The following BTBD8 variants were observed in gnomAD, a reference collection of about 807,000 sequenced individuals.
BTBD8 encodes BTB/POZ domain-containing protein 8.
Under a neutral mutation model 162.9 loss-of-function variants are expected in BTBD8, and 110 were observed. The ratio of observed to expected loss-of-function variants is 0.68; its 90% CI spans 0.58 to 0.79. The LOEUF is 0.79. BTBD8 is among the 30% of genes least tolerant of loss of function. The probability of loss-of-function intolerance (pLI) is 0.00; values close to 1 mark genes in which losing one functional copy is unlikely to be tolerated. For synonymous variants in BTBD8, 667 were observed against 716.1 expected (o/e 0.93, Z 1.10); for missense variants, 1,905 against 2,085.4 (o/e 0.91, Z 1.68).
intron 1 of BTBD8, 88 bp from the exon 2 acceptor site, chr1:92,088,610 A>G (rs1648217250): frequency 2.0e-6 from 2 of 1,013,204 alleles, no homozygotes; most frequent in Non-Finnish European, 2.7e-6. Context: ...TTTTTAGCTT[A>G]TGTGTTATTT....
rs1049660548 is a variant in BTBD8 at position 92,133,914 on chromosome 1, G to A, written c.752+4138G>A. On this transcript the variant is annotated intron_variant, in intron 5 of 17. Coordinates refer to ENST00000636805, the MANE Select transcript of BTBD8 (RefSeq NM_001376131.1). ...GAACCCAGGAGGCGGAGCTTGCAGC[G>A]AGCCGAGATCGTGCCACTGCACTCC... is the stretch of plus-strand genomic sequence containing the variant. Among the ~76,000 whole-genome samples the A allele has an allele frequency of 3.3e-5, 5 of 151,680 alleles. No individual in the cohort carries two copies. The East Asian group carries it at 5.9e-4, about 18-fold the overall frequency.
chr1:92,132,164 C>G (rs1649532482), intron 5 of BTBD8, among the ~76,000 whole-genome samples: 1 of 152,180 alleles, frequency 6.6e-6, no homozygotes, highest in Non-Finnish European at 1.5e-5. Flanking sequence ...CCTAAAGTTC[C>G]TAGTAGGCAC....
At position 92,180,693 on chromosome 1, in the gene BTBD8, C is replaced by T; in HGVS notation, c.3010C>T (p.Leu1004Phe). ...ATCTGAAATAAGTGATGCAGAAGCA[C>T]TCCAGTCATCCTGCAGGCCTGACCC... The part of the protein sequence containing the change: ...LASEISDAEA[L>F]QSSCRPDPQK... Residue 1004 changes from leucine to phenylalanine, a missense_variant, in exon 17 of 18, where the codon CTC becomes TTC. Leu to Phe is a conservative substitution (Grantham distance 22). Transcript: ENST00000636805. The T allele has an allele frequency of 6.4e-7, 1 of 1,551,586 alleles. No individual in the cohort carries two copies. Among genetic ancestry groups the T allele is most frequent in the Admixed American group, 2.0e-5 (1 of 50,978 alleles).
chr1:92,156,448 A>G (rs1650159975), intron 9 of BTBD8, among the ~76,000 whole-genome samples: 1 of 152,026 alleles, frequency 6.6e-6, no homozygotes, highest in African/African-American at 2.4e-5. Flanking sequence ...AATGAGGGAA[A>G]TATTCCCTCC....
At chr1:92,182,966 T>A (rs1284583355) in intron 17 of BTBD8, among the ~76,000 whole-genome samples, 1 of 152,078 alleles carries the variant, frequency 6.6e-6, no homozygotes. Flanking sequence ...ATTTATAGAC[T>A]TGATAGTATA....
chr1:92,167,001 T>C lies in BTBD8; in HGVS notation c.1166T>C (p.Leu389Pro), dbSNP rs1650401695. The C allele has an allele frequency of 6.4e-7, 1 of 1,550,556 alleles. No individual in the cohort carries two copies. The highest frequency in any genetic ancestry group is 8.7e-7 in the Non-Finnish European group (1 of 1,146,938). The change falls in exon 10 of 18, where the codon CTA becomes CCA. Residue 389 changes from leucine to proline, a missense_variant. This residue lies in a region of BTBD8 where 1,374 missense variants were observed against 1,442.7 expected (regional missense o/e 0.95). Coordinates refer to ENST00000636805, the MANE Select transcript of BTBD8 (RefSeq NM_001376131.1). The part of the protein sequence containing the change: ...AAFLLMESDR[L>P]IISLPRVKWT... ...TTTCTTCTGATGGAAAGTGACAGGC[T>C]AATCATCAGTTTACCCAGAGTGAAG...
chr1:92,107,992 A>C lies in BTBD8; in HGVS notation c.653A>C (p.Lys218Thr). 1 of 1,612,048 alleles carries C rather than the reference A, an allele frequency of 6.2e-7. No individual in the cohort carries two copies. The highest frequency in any genetic ancestry group is 8.5e-7 in the Non-Finnish European group (1 of 1,178,250). ...ATTTTTGTTGATGGAAAACGTTTTA[A>C]AGCTCACAGGTAAATAGACACGACT... Reference protein sequence around the residue: ...IDIFVDGKRFKAHRAILSARS... With the variant: ...IDIFVDGKRFTAHRAILSARS... Residue 218 changes from lysine to threonine, a missense_variant, in exon 4 of 18, where the codon AAA (lysine) becomes ACA (threonine). This residue lies in a region of BTBD8 where 1,374 missense variants were observed against 1,442.7 expected (regional missense o/e 0.95). Coordinates refer to ENST00000636805, the MANE Select transcript of BTBD8 (RefSeq NM_001376131.1).
chr1:92,095,523 G>A (rs1570715755), intron 2 of BTBD8, among the ~76,000 whole-genome samples: 1 of 152,092 alleles, frequency 6.6e-6, no homozygotes. Context: ...CAAAATTTCT[G>A]TACATTTTAA....
Position 92,080,583 on chromosome 1 carries a change from T to C in BTBD8, c.12T>C (p.Cys4=). 1 of 1,613,790 alleles carries C rather than the reference T, an allele frequency of 6.2e-7. No homozygotes were observed. Among genetic ancestry groups the C allele is most frequent in the Non-Finnish European group, 8.5e-7 (1 of 1,179,850 alleles). MAR[C]GEGSAAPMVL... ...TACCTCTGTGAGACATGGCTCGCTGTGGGGAAGGCAGTGCGGCCCCCATGG... is the reference window on the plus strand; with the variant it reads ...TACCTCTGTGAGACATGGCTCGCTGCGGGGAAGGCAGTGCGGCCCCCATGG... Residue 4 remains cysteine (C), a synonymous_variant, in exon 1 of 18, where the codon TGT becomes TGC. Coordinates refer to ENST00000636805, the MANE Select transcript of BTBD8 (RefSeq NM_001376131.1).
In BTBD8 at chr1:92,181,123, T is replaced by C; in HGVS notation, c.3440T>C (p.Leu1147Pro). 2 of 1,551,584 alleles carry C rather than the reference T, an allele frequency of 1.3e-6. No individual in the cohort carries two copies. The highest frequency in any genetic ancestry group is 1.7e-6 in the Non-Finnish European group (2 of 1,146,984). ...ATTAAATGTGTGGAAGATGTTTCAC[T>C]GTGTAATCCTGAAAGGACAAATGGT... ...SSIKCVEDVS[L>P]CNPERTNGTL... is the part of the protein sequence containing the mutation. Residue 1147 changes from leucine to proline, a missense_variant, in exon 17 of 18, where the codon CTG (leucine) becomes CCG (proline). Transcript: ENST00000636805.
At chr1:92,094,237 G>A (rs562795543) in intron 2 of BTBD8, among the ~76,000 whole-genome samples, 23 of 152,294 alleles carry the variant, frequency 1.5e-4, no homozygotes, top group African/African-American at 5.5e-4. Flanking sequence ...TAAGCTCCTT[G>A]AGATTAGATT....
rs1045493077 is a variant in BTBD8, at chr1:92,180,947, A to C, written c.3264A>C (p.Thr1088=). The C allele has an allele frequency of 6.4e-7, 1 of 1,551,626 alleles. No individual in the cohort carries two copies. The highest frequency in any genetic ancestry group is 8.7e-7 in the Non-Finnish European group (1 of 1,146,908). The change falls in exon 17 of 18, where the codon ACA becomes ACC. Residue 1088 remains threonine, a synonymous_variant. Transcript: ENST00000636805. ...TAAATTCAAAATTTTATAGCACCAC[A>C]GCCCTAAAATACATGGTTTCAAATC... The part of the protein sequence containing the change: ...DNVNSKFYST[T]ALKYMVSNPN...
At chr1:92,123,693 C>T (rs868333761) in intron 4 of BTBD8, among the ~76,000 whole-genome samples, 10 of 143,032 alleles carry the variant, frequency 7.0e-5, no homozygotes, top group Non-Finnish European at 1.0e-4. Flanking sequence ...TTGTGAATGG[C>T]GTGAACCCGG....
chr1:92,182,486 C>G lies in BTBD8; in HGVS notation c.4803C>G (p.Ser1601Arg). Residue 1601 changes from serine to arginine, a missense_variant, in exon 17 of 18, where the codon AGC becomes AGG. Coordinates refer to ENST00000636805, the MANE Select transcript of BTBD8 (RefSeq NM_001376131.1). ...CCAATTCTGACATACCAAAGAACAG[C>G]TCTACAAAATCTCTAGACTCCTTTC... ...REPNSDIPKN[S>R]STKSLDSFRS... 1 of 1,551,362 alleles carries G rather than the reference C, an allele frequency of 6.4e-7. No homozygotes were observed. The highest frequency in any genetic ancestry group is 8.7e-7 in the Non-Finnish European group (1 of 1,146,768).
chr1:92,084,532 A>C (rs935123925), intron 1 of BTBD8, among the ~76,000 whole-genome samples: 8 of 152,170 alleles, frequency 5.3e-5, no homozygotes. Context: ...GGAGGACATT[A>C]AAGGAAGGGG....
intron 2 of BTBD8, among the ~76,000 whole-genome samples, chr1:92,097,762 G>A (rs965633230): frequency 6.6e-6 from 1 of 152,240 alleles, no homozygotes; most frequent in East Asian, 1.9e-4. Flanking sequence ...TAAATCAGGG[G>A]TCATAGGATT....
intron 2 of BTBD8, among the ~76,000 whole-genome samples, chr1:92,100,980 A>G (rs1648576611): frequency 6.6e-6 from 1 of 152,096 alleles, no homozygotes; most frequent in African/African-American, 2.4e-5. Context: ...GGTTACATTA[A>G]TAAGTTCTTT....
At chr1:92,141,329 A>G in intron 7 of BTBD8, 118 bp downstream of exon 7, 1 of 1,007,488 alleles carries the variant, frequency 9.9e-7, no homozygotes, top group South Asian at 1.8e-5. Context: ...AGTAAATTTA[A>G]CTAATGAGAA....
intron 4 of BTBD8, among the ~76,000 whole-genome samples, 184 bp from the exon 5 acceptor site, chr1:92,129,503 A>T (rs375054766): frequency 1.3e-5 from 2 of 152,156 alleles, no homozygotes; most frequent in African/African-American, 4.8e-5. Context: ...AAAAAACAAA[A>T]AAAAAACCCT....
Sources: gnomAD v4.1 joint callset for allele counts (sites outside exome capture counted in the v4.1 genomes callset) on GRCh38, gnomAD v4.1.1 for gene constraint, gnomAD v4.1.1 regional missense constraint, MANE v1.5 for transcripts, NCBI Gene and HGNC (gene_info 2026-07-23, HGNC 2026-07-21) for gene names.